The following PARD3 variants were observed in gnomAD, a reference collection of about 807,000 sequenced individuals.
The protein encoded by PARD3 is partitioning defective 3 homolog.
PARD3 carries 75 observed loss-of-function variants against 155.4 expected under a neutral mutation model. That is an observed-to-expected ratio of 0.48 (90% CI 0.40 to 0.58). The LOEUF is 0.58. Ranked by LOEUF, PARD3 falls within the 20% of genes least tolerant of loss-of-function variation. The probability of loss-of-function intolerance (pLI) is 0.00; values close to 1 mark genes in which losing one functional copy is unlikely to be tolerated. For synonymous variants in PARD3, 576 were observed against 610.5 expected (o/e 0.94, Z 0.83); for missense variants, 1,642 against 1,721.7 (o/e 0.95, Z 0.82).
chr10:34,120,142 G>A lies in PARD3; in HGVS notation c.3541-402C>T, dbSNP rs112263988. Among the ~76,000 whole-genome samples, 749 of 146,536 alleles carry A rather than the reference G, an allele frequency of 5.1e-3. 5 individuals carry two copies. The highest frequency in any genetic ancestry group is 0.018 in the African/African-American group (702 of 39,822). On this transcript the variant is annotated intron_variant, in intron 23 of 24. Transcript: ENST00000374788. ...AGTGATCCTCCCACCTCAGTCTCCC[G>A]AGTAACCGGGATTACAAGCACAGGC... is the stretch of plus-strand genomic sequence containing the variant.
chr10:34,425,731 C>T (rs190036489), intron 5 of PARD3, among the ~76,000 whole-genome samples: 59 of 152,278 alleles, frequency 3.9e-4, no homozygotes, highest in African/African-American at 1.3e-3. Flanking sequence ...TACTGTAATC[C>T]ATTTTCACCT....
At chr10:34,553,578 A>G (rs920793023) in intron 2 of PARD3, among the ~76,000 whole-genome samples, 2 of 152,224 alleles carry the variant, frequency 1.3e-5, no homozygotes, top group African/African-American at 4.8e-5. Flanking sequence ...AGGTACTGGC[A>G]TGTTGGGTTC....
intron 3 of PARD3, among the ~76,000 whole-genome samples, chr10:34,474,598 C>T (rs539313782): frequency 2.7e-4 from 41 of 152,320 alleles, no homozygotes; most frequent in African/African-American, 8.2e-4. Flanking sequence ...TAAGGCACTA[C>T]ATTAGACACA....
rs568312255 is a variant in PARD3 at position 34,503,344 on chromosome 10, C to T, written c.403+13635G>A. 9.2e-5 allele frequency among the ~76,000 whole-genome samples: 14 copies of T among 152,206 alleles called. No individual in the cohort carries two copies. The South Asian group carries it at 2.5e-3, about 27-fold the overall frequency. Reference sequence around the variant, plus strand: ...AGTACCCTAGCAGTTCACTAAAATGCCCTTTGCTTACACTTTTTCCATATT... The same window carrying T: ...AGTACCCTAGCAGTTCACTAAAATGTCCTTTGCTTACACTTTTTCCATATT... On this transcript the variant is annotated intron_variant, in intron 3 of 24. Coordinates refer to ENST00000374788, the MANE Select transcript of PARD3 (RefSeq NM_001184785.2).
chr10:34,358,914 T>C (rs1839168615), intron 14 of PARD3, among the ~76,000 whole-genome samples: 1 of 152,212 alleles, frequency 6.6e-6, no homozygotes, highest in Non-Finnish European at 1.5e-5. Context: ...GATCCCAGTG[T>C]TTCCTGCTGA....
chr10:34,139,172 T>G (rs1424220791), intron 22 of PARD3, among the ~76,000 whole-genome samples: 1 of 152,152 alleles, frequency 6.6e-6, no homozygotes, highest in African/African-American at 2.4e-5. Flanking sequence ...TCAGCACACA[T>G]AGAAAGGAGA....
chr10:34,662,597 G>T (rs2093350712), intron 2 of PARD3, among the ~76,000 whole-genome samples: 1 of 152,200 alleles, frequency 6.6e-6, no homozygotes, highest in Non-Finnish European at 1.5e-5. Flanking sequence ...GATCAGCCAG[G>T]TGCGATGGCT....
At chr10:34,579,405 C>T (rs2087199170) in intron 2 of PARD3, among the ~76,000 whole-genome samples, 1 of 152,088 alleles carries the variant, frequency 6.6e-6, no homozygotes, top group East Asian at 1.9e-4. Context: ...CCTTCCGTAA[C>T]GCCCCCTGCC....
intron 19 of PARD3, 137 bp downstream of exon 19, chr10:34,330,980 A>T: frequency 1.5e-6 from 1 of 656,404 alleles, no homozygotes; most frequent in Non-Finnish European, 2.6e-6. Flanking sequence ...TCTTATTATG[A>T]AATAAGAGAT....
chr10:34,794,119 T>G (rs1189511575), intron 1 of PARD3, among the ~76,000 whole-genome samples: 1 of 150,758 alleles, frequency 6.6e-6, no homozygotes, highest in Non-Finnish European at 1.5e-5. Flanking sequence ...GGGGTGGGGG[T>G]TGGGGGGACT....
intron 22 of PARD3, among the ~76,000 whole-genome samples, chr10:34,246,218 C>T (rs1219929642): frequency 2.0e-5 from 3 of 152,184 alleles, no homozygotes; most frequent in African/African-American, 7.2e-5. Context: ...AAGCCTTTGG[C>T]AGAACAGTTG....
intron 2 of PARD3, among the ~76,000 whole-genome samples, chr10:34,531,029 T>C (rs995665065): frequency 2.0e-5 from 3 of 152,166 alleles, no homozygotes; most frequent in African/African-American, 7.2e-5. Flanking sequence ...TGTCCAGGCC[T>C]TTATGTTGTG....
rs547308802 is a variant in PARD3, at chr10:34,348,127, C to T, written c.2068-12G>A. 10 of 1,593,376 alleles carry T rather than the reference C, an allele frequency of 6.3e-6. No individual in the cohort carries two copies. In the African/African-American group the frequency reaches 6.7e-5, roughly 11 times the overall value. On this transcript the variant is annotated splice_polypyrimidine_tract_variant and intron_variant, in intron 14 of 24. Transcript: ENST00000374788. ...CCAGGTGACTTCAGCTACAGAGTAA[C>T]GGGTATGGGGGCAAAGAAAAATCAG...
chr10:34,667,503 T>C (rs1278435767), intron 2 of PARD3, among the ~76,000 whole-genome samples: 1 of 152,206 alleles, frequency 6.6e-6, no homozygotes, highest in East Asian at 1.9e-4. Flanking sequence ...TACAAAATTG[T>C]CACCTATTCA....
intron 2 of PARD3, among the ~76,000 whole-genome samples, chr10:34,569,550 TG>T (rs1564362659): frequency 6.6e-6 from 1 of 152,094 alleles, no homozygotes; most frequent in Non-Finnish European, 1.5e-5. Context: ...CCCGAGCAGC[TG>T]GGACTACAGG....
At chr10:34,804,227 G>A (rs1421680521) in intron 1 of PARD3, among the ~76,000 whole-genome samples, 1 of 152,046 alleles carries the variant, frequency 6.6e-6, no homozygotes, top group African/African-American at 2.4e-5. Context: ...AATAGAGATG[G>A]GGTTTTGTCA....
rs1392389881 is a variant in PARD3 at position 34,112,525 on chromosome 10, A to G, written c.3669-963T>C. 2.6e-5 allele frequency among the ~76,000 whole-genome samples: 4 copies of G among 152,342 alleles called. No individual in the cohort carries two copies. In the South Asian group the frequency reaches 8.3e-4, roughly 32 times the overall value. Reference sequence around the variant, plus strand: ...CCTAATTTTTTTGCCTTGAAAATGGAAGAGGGGGAGAGACAATTGAGTAAT... The same window carrying G: ...CCTAATTTTTTTGCCTTGAAAATGGGAGAGGGGGAGAGACAATTGAGTAAT... On this transcript the variant is annotated intron_variant, in intron 24 of 24. Coordinates refer to ENST00000374788, the MANE Select transcript of PARD3 (RefSeq NM_001184785.2).
chr10:34,448,911 A>G (rs1057044430), intron 5 of PARD3, among the ~76,000 whole-genome samples: 7 of 150,328 alleles, frequency 4.7e-5, no homozygotes, highest in Non-Finnish European at 7.4e-5. Flanking sequence ...TGTGATGGAT[A>G]AATTATCTTT....
At chr10:34,370,845 T>A (rs865947558) in intron 12 of PARD3, among the ~76,000 whole-genome samples, 152 of 147,470 alleles carry the variant, frequency 1.0e-3, no homozygotes, top group Non-Finnish European at 2.1e-3. Context: ...TGTGTGTGTG[T>A]GTAAATGACT....
Sources: gnomAD v4.1 joint callset for allele counts (sites outside exome capture counted in the v4.1 genomes callset) on GRCh38, gnomAD v4.1.1 for gene constraint, MANE v1.5 for transcripts, NCBI Gene and HGNC (gene_info 2026-07-23, HGNC 2026-07-21) for gene names.